Variants in GABRA5 observed in about 807,000 individuals in gnomAD.
GABRA5 encodes the protein gamma-aminobutyric acid receptor subunit alpha-5.
Under a neutral mutation model 47.3 loss-of-function variants are expected in GABRA5, and 18 were observed. The observed-to-expected ratio is 0.38, with a 90% CI of 0.26 to 0.56. GABRA5 has a LOEUF of 0.56. Among genes scored for constraint, GABRA5 ranks in the 20% least tolerant of loss-of-function variants. GABRA5 has a pLI of 0.71. For missense variants in GABRA5, 365 were observed against 599.3 expected, an observed-to-expected ratio of 0.61 and a Z score of 4.08; for synonymous variants, 237 against 229.3, an observed-to-expected ratio of 1.03 and a Z score of -0.30.
At chr15:26,936,755 C>T (rs1036270812) in intron 7 of GABRA5, among the ~76,000 whole-genome samples, 17 of 152,244 alleles carry the variant, frequency 1.1e-4, no homozygotes, top group African/African-American at 4.1e-4. Context: ...TTGTAAATCT[C>T]GATGTAGGTC....
chr15:26,942,599 G>T (rs977088851), intron 9 of GABRA5, among the ~76,000 whole-genome samples: 4 of 152,172 alleles, frequency 2.6e-5, no homozygotes, highest in African/African-American at 9.7e-5. Flanking sequence ...CCTTAGTGCT[G>T]CAGAATCGTA....
At chr15:26,906,092 C>T (rs932291540) in intron 6 of GABRA5, among the ~76,000 whole-genome samples, 3 of 151,454 alleles carry the variant, frequency 2.0e-5, no homozygotes, top group Non-Finnish European at 4.4e-5. Context: ...AATGTGGTGA[C>T]CCTGGATGTT....
intron 6 of GABRA5, among the ~76,000 whole-genome samples, chr15:26,884,390 T>C (rs545261814): frequency 6.6e-6 from 1 of 152,280 alleles, no homozygotes; most frequent in South Asian, 2.1e-4. Context: ...AATCAACAAA[T>C]TGGTCAATGA....
chr15:26,869,065 G>A (rs1187547363), intron 2 of GABRA5, 110 bp from the exon 3 acceptor site: 10 of 568,052 alleles, frequency 1.8e-5, no homozygotes, highest in Admixed American at 2.9e-5. Context: ...GGGAAGGACA[G>A]CGGGCTCCTT....
At chr15:26,903,573 C>T (rs1169896409) in intron 6 of GABRA5, among the ~76,000 whole-genome samples, 1 of 152,140 alleles carries the variant, frequency 6.6e-6, no homozygotes, top group Non-Finnish European at 1.5e-5. Flanking sequence ...CTCCAGCCAA[C>T]AGTGTATAAG....
At chr15:26,894,417 C>T (rs553977880) in intron 6 of GABRA5, among the ~76,000 whole-genome samples, 2 of 152,258 alleles carry the variant, frequency 1.3e-5, no homozygotes, top group African/African-American at 4.8e-5. Flanking sequence ...TGAGATGGTG[C>T]GGGCAGCGCT....
At chr15:26,939,839 G>A (rs1330593523) in intron 8 of GABRA5, 86 bp from the exon 9 acceptor site, 3 of 1,381,054 alleles carry the variant, frequency 2.2e-6, no homozygotes, top group Non-Finnish European at 3.1e-6. Flanking sequence ...CGACAGGGGA[G>A]TGGAAGGGAG....
chr15:26,881,621 T>C (rs771227088), intron 4 of GABRA5, among the ~76,000 whole-genome samples: 38 of 152,244 alleles, frequency 2.5e-4, no homozygotes, highest in Non-Finnish European at 4.7e-4. Flanking sequence ...ATGTGGAGTC[T>C]GAACTTGTTG....
At chr15:26,913,494 G>C (rs1893648134) in intron 6 of GABRA5, among the ~76,000 whole-genome samples, 1 of 152,100 alleles carries the variant, frequency 6.6e-6, no homozygotes, top group Non-Finnish European at 1.5e-5. Context: ...AAGCAAAAAT[G>C]GATGTTTATG....
intron 6 of GABRA5, among the ~76,000 whole-genome samples, chr15:26,906,019 C>G (rs1893435829): frequency 1.3e-5 from 2 of 151,976 alleles, no homozygotes. Flanking sequence ...TCCCTTTGAA[C>G]AGGCCATTGT....
intron 6 of GABRA5, among the ~76,000 whole-genome samples, chr15:26,885,975 G>T (rs1292816639): frequency 6.6e-6 from 1 of 151,992 alleles, no homozygotes; most frequent in Non-Finnish European, 1.5e-5. Flanking sequence ...TTAATCTTTG[G>T]GTCCAAAGCC....
intron 7 of GABRA5, among the ~76,000 whole-genome samples, chr15:26,932,670 T>C (rs1894136963): frequency 6.6e-6 from 1 of 152,222 alleles, no homozygotes; most frequent in Non-Finnish European, 1.5e-5. Context: ...TGCACGCATA[T>C]GTTCATTGCA....
chr15:26,935,457 G>T (rs1894214586), intron 7 of GABRA5, among the ~76,000 whole-genome samples: 4 of 152,184 alleles, frequency 2.6e-5, no homozygotes, highest in Admixed American at 2.6e-4. Flanking sequence ...CACAGGACTT[G>T]CACCCAGCGA....
At chr15:26,876,400 T>C (rs1398483864) in intron 3 of GABRA5, among the ~76,000 whole-genome samples, 1 of 151,962 alleles carries the variant, frequency 6.6e-6, no homozygotes, top group Non-Finnish European at 1.5e-5. Flanking sequence ...GGCATGCTTG[T>C]GTTCTGAGGT....
intron 7 of GABRA5, among the ~76,000 whole-genome samples, chr15:26,925,921 G>A (rs548998869): frequency 3.4e-4 from 51 of 152,212 alleles, no homozygotes; most frequent in Non-Finnish European, 6.2e-4. Context: ...TATGCTCCCC[G>A]CATGCATATG....
At chr15:26,937,416 G>A in intron 8 of GABRA5, 88 bp downstream of exon 8, 1 of 1,394,586 alleles carries the variant, frequency 7.2e-7, no homozygotes, top group Non-Finnish European at 9.5e-7. Context: ...CTCTCTGCAG[G>A]GGCCACGTGG....
chr15:26,921,851 A>G (rs371141027), intron 7 of GABRA5, among the ~76,000 whole-genome samples: 16 of 151,934 alleles, frequency 1.1e-4, no homozygotes, highest in Admixed American at 7.2e-4. Context: ...CCTTTGACCC[A>G]CGTATTATTT....
At position 26,883,644 on chromosome 15, in the gene GABRA5, A is replaced by G; in HGVS notation, c.497+87A>G. ...TCCTGCCGCAAGAGCTGCGCCGCGG[A>G]GCTGTTCTGACCATAGGTCTGAGAC... On this transcript the variant is annotated intron_variant, in intron 6 of 10. Coordinates refer to ENST00000335625, the MANE Select transcript of GABRA5 (RefSeq NM_000810.4). The surrounding 1 kb of genome is among the most constrained non-coding windows in gnomAD (Gnocchi z 4.8). 3 of 1,096,556 alleles carry G rather than the reference A, an allele frequency of 2.7e-6. No individual in the cohort carries two copies. Among genetic ancestry groups the G allele is most frequent in the Non-Finnish European group, 3.8e-6 (3 of 790,618 alleles). 67.9% of individuals were successfully genotyped at this position (1,096,556 alleles called of 1,614,324 possible). A position where few individuals can be genotyped will look rare whatever the true frequency, so the allele number is the denominator to read the frequency against.
At chr15:26,928,257 C>G (rs973735746) in intron 7 of GABRA5, among the ~76,000 whole-genome samples, 3 of 152,136 alleles carry the variant, frequency 2.0e-5, no homozygotes, top group African/African-American at 7.2e-5. Context: ...TGAATTATGC[C>G]TGCTGTTGCA....
Sources: allele counts gnomAD v4.1 joint callset (sites outside exome capture counted in the v4.1 genomes callset), GRCh38; gene constraint gnomAD v4.1.1; non-coding constraint Gnocchi (gnomAD v3.1); transcripts MANE v1.5; gene names NCBI Gene and HGNC (gene_info 2026-07-23, HGNC 2026-07-21).